Variants in PARD3B observed in about 807,000 individuals in gnomAD.
PARD3B encodes par-3 family cell polarity regulator beta.
Under a neutral mutation model 130.2 loss-of-function variants are expected in PARD3B, and 103 were observed. That is an observed-to-expected ratio of 0.79 (90% CI 0.67 to 0.93). The LOEUF is 0.93. PARD3B is among the 40% of genes least tolerant of loss of function. PARD3B has a pLI of 0.00. For synonymous variants in PARD3B, 583 were observed against 553.2 expected (o/e 1.05, Z -0.76); for missense variants, 1,609 against 1,499.2 (o/e 1.07, Z -1.21).
chr2:205,563,386 A>G lies in PARD3B; in HGVS notation c.3260+9983A>G, dbSNP rs1306913870. ...GATGCTCCTTTAATAAAAGAAAAAA[A>G]TGTATCCTTGAAGTCACAGAATCAG... On this transcript the variant is annotated intron_variant, in intron 22 of 22. Transcript: ENST00000406610. The surrounding 1 kb of genome is among the most constrained non-coding windows in gnomAD (Gnocchi z 4.2). 6.6e-6 allele frequency among the ~76,000 whole-genome samples: 1 copy of G among 152,194 alleles called. No homozygotes were observed. Among genetic ancestry groups the G allele is most frequent in the African/African-American group, 2.4e-5 (1 of 41,440 alleles).
intron 16 of PARD3B, among the ~76,000 whole-genome samples, chr2:205,299,187 G>C (rs916513436): frequency 2.6e-5 from 4 of 152,168 alleles, no homozygotes; most frequent in Admixed American, 2.6e-4. Context: ...ATATACATCA[G>C]TGCTTTTTTG....
intron 15 of PARD3B, among the ~76,000 whole-genome samples, chr2:205,207,122 G>A (rs1199082759): frequency 1.4e-5 from 2 of 143,064 alleles, no homozygotes; most frequent in African/African-American, 2.7e-5. Flanking sequence ...TGACTACTGG[G>A]TATATAACGA....
intron 2 of PARD3B, among the ~76,000 whole-genome samples, chr2:204,944,861 C>T (rs1689187496): frequency 6.6e-6 from 1 of 152,220 alleles, no homozygotes; most frequent in African/African-American, 2.4e-5. Flanking sequence ...GCTTACCTCA[C>T]AGGGCCTACG....
rs1020379843 is a variant in PARD3B, at chr2:205,446,923, G to A, written c.3044+6251G>A. 1.3e-5 allele frequency among the ~76,000 whole-genome samples: 2 copies of A among 152,154 alleles called. No homozygotes were observed. The highest frequency in any genetic ancestry group is 4.8e-5 in the African/African-American group (2 of 41,442). On this transcript the variant is annotated intron_variant, in intron 20 of 22. Transcript: ENST00000406610. The surrounding 1 kb of genome is among the most constrained non-coding windows in gnomAD (Gnocchi z 4.4). ...ACAGTTCCAAATAGGGGGCTAGAAG[G>A]TATATGTGGCACACAGCACAAATGC...
At position 205,397,765 on chromosome 2, in the gene PARD3B, G is replaced by T. The variant is rs1429211985; in HGVS notation, c.2631-3248G>T. 1.3e-5 allele frequency among the ~76,000 whole-genome samples: 2 copies of T among 151,966 alleles called. No homozygotes were observed. The highest frequency in any genetic ancestry group is 2.9e-5 in the Non-Finnish European group (2 of 67,966). On this transcript the variant is annotated intron_variant, in intron 18 of 22. Coordinates refer to ENST00000406610, the MANE Select transcript of PARD3B (RefSeq NM_001302769.2). This position sits in a 1 kb window ranked among gnomAD's most constrained non-coding sequence, Gnocchi z 4.8. ...GACTCCCCACCGTGTTGAATATTTT[G>T]CCCAAACATTACTATATTTAATGAC...
intron 20 of PARD3B, among the ~76,000 whole-genome samples, chr2:205,467,782 G>A (rs536416159): frequency 1.3e-4 from 20 of 152,258 alleles, no homozygotes; most frequent in South Asian, 6.2e-4. Flanking sequence ...CCAGGGCAGC[G>A]AAAGACCCTC....
At chr2:204,917,721 C>T (rs778543348) in intron 2 of PARD3B, among the ~76,000 whole-genome samples, 1 of 152,096 alleles carries the variant, frequency 6.6e-6, no homozygotes, top group Non-Finnish European at 1.5e-5. Flanking sequence ...GTGTAGCCAA[C>T]GACAAGTATT....
intron 4 of PARD3B, among the ~76,000 whole-genome samples, chr2:205,094,972 A>G (rs1425091743): frequency 6.6e-6 from 1 of 152,192 alleles, no homozygotes; most frequent in African/African-American, 2.4e-5. Context: ...ATGAAGCCCT[A>G]GTACCATATA....
chr2:205,587,468 T>A (rs1474881448), intron 22 of PARD3B, among the ~76,000 whole-genome samples: 1 of 152,206 alleles, frequency 6.6e-6, no homozygotes, highest in Non-Finnish European at 1.5e-5. Context: ...ATGTTCTCAA[T>A]AATAATACCG....
At chr2:205,399,543 C>T (rs1559056089) in intron 18 of PARD3B, among the ~76,000 whole-genome samples, 1 of 152,070 alleles carries the variant, frequency 6.6e-6, no homozygotes. Context: ...TTAGTAGAGA[C>T]AGGGTTTCAC....
At chr2:204,836,590 G>C (rs2044040505) in intron 2 of PARD3B, among the ~76,000 whole-genome samples, 1 of 152,198 alleles carries the variant, frequency 6.6e-6, no homozygotes, top group Admixed American at 6.5e-5. Context: ...TTGAACCCAG[G>C]AGGCGGAAGT....
intron 1 of PARD3B, among the ~76,000 whole-genome samples, chr2:204,598,666 A>G (rs576420950): frequency 2.0e-5 from 3 of 152,252 alleles, no homozygotes; most frequent in South Asian, 2.1e-4. Flanking sequence ...GCATGCATAT[A>G]TCACAAAATT....
At chr2:204,900,039 T>A (rs1378171002) in intron 2 of PARD3B, among the ~76,000 whole-genome samples, 2 of 152,188 alleles carry the variant, frequency 1.3e-5, no homozygotes, top group Non-Finnish European at 2.9e-5. Context: ...TGGGATCCCC[T>A]CTTTATCCTT....
rs1055936505 is a variant in PARD3B at position 205,550,051 on chromosome 2, G to A, written c.3181-3273G>A. Among the ~76,000 whole-genome samples, 1 of 152,122 alleles carries A rather than the reference G, an allele frequency of 6.6e-6. No homozygotes were observed. Among genetic ancestry groups the A allele is most frequent in the East Asian group, 1.9e-4 (1 of 5,192 alleles). ...AGTAGTATTCTTTTCTTCATACCTT[G>A]TTTCTACCTTTGCAAAATCTTCAAA... On this transcript the variant is annotated intron_variant, in intron 21 of 22. Coordinates refer to ENST00000406610, the MANE Select transcript of PARD3B (RefSeq NM_001302769.2). This position sits in a 1 kb window ranked among gnomAD's most constrained non-coding sequence, Gnocchi z 4.5.
intron 3 of PARD3B, among the ~76,000 whole-genome samples, chr2:204,992,164 C>T (rs1693768935): frequency 6.7e-6 from 1 of 150,204 alleles, no homozygotes; most frequent in Admixed American, 6.7e-5. Flanking sequence ...CGCCTATGTC[C>T]TGAATGGTAA....
chr2:205,432,863 T>A (rs1357963239), intron 19 of PARD3B, among the ~76,000 whole-genome samples: 1 of 152,108 alleles, frequency 6.6e-6, no homozygotes, highest in South Asian at 2.1e-4. Flanking sequence ...TAAAAACATA[T>A]TTTTTCATAA....
At chr2:205,273,159 G>A (rs2040806566) in intron 16 of PARD3B, among the ~76,000 whole-genome samples, 1 of 152,190 alleles carries the variant, frequency 6.6e-6, no homozygotes, top group Admixed American at 6.5e-5. Context: ...GAAATTTCAT[G>A]AATATTAGAT....
chr2:205,383,125 T>TAGAGAGATAGAG (rs1559038940), intron 18 of PARD3B, among the ~76,000 whole-genome samples: 3 of 149,288 alleles, frequency 2.0e-5, no homozygotes, highest in Non-Finnish European at 4.5e-5. Context: ...GATAGATAGA[T>TAGAGAGATAGAG]AGATAGATAG....
intron 18 of PARD3B, among the ~76,000 whole-genome samples, chr2:205,360,440 C>CA (rs34308340): frequency 0.6 from 90,734 of 151,918 alleles, 30,504 homozygotes; most frequent in South Asian, 0.77. Flanking sequence ...CTCTATGTCA[C>CA]AAAAAATACT....
Sources: gnomAD v4.1 joint callset for allele counts (sites outside exome capture counted in the v4.1 genomes callset) on GRCh38, gnomAD v4.1.1 for gene constraint, Gnocchi (gnomAD v3.1) non-coding constraint, MANE v1.5 for transcripts, NCBI Gene and HGNC (gene_info 2026-07-23, HGNC 2026-07-21) for gene names.